The following MED13L variants were observed in gnomAD, a reference collection of about 807,000 sequenced individuals.
The protein encoded by MED13L is mediator of RNA polymerase II transcription subunit 13-like.
Under a neutral mutation model 220.9 loss-of-function variants are expected in MED13L, and 7 were observed. That is an observed-to-expected ratio of 0.03 (90% confidence interval 0.02 to 0.06). The LOEUF (loss-of-function observed/expected upper bound fraction) is 0.06. MED13L is among the 10% of genes least tolerant of loss of function. The probability of loss-of-function intolerance (pLI) is 1.00; values close to 1 mark genes in which losing one functional copy is unlikely to be tolerated. For synonymous variants in MED13L, 1,011 were observed against 1,015.2 expected, an observed-to-expected ratio of 1.00 and a Z score of 0.08; for missense variants, 1,965 against 2,760.5, an observed-to-expected ratio of 0.71 and a Z score of 6.46.
intron 4 of MED13L, among the ~76,000 whole-genome samples, chr12:116,039,127 T>C (rs1881374341): frequency 6.6e-6 from 1 of 152,214 alleles, no homozygotes; most frequent in Admixed American, 6.5e-5. Flanking sequence ...TTCACCGTAA[T>C]GATTCTAGTT....
intron 2 of MED13L, among the ~76,000 whole-genome samples, chr12:116,131,129 G>C (rs1876031974): frequency 6.6e-6 from 1 of 152,118 alleles, no homozygotes; most frequent in Non-Finnish European, 1.5e-5. Flanking sequence ...ATGTCCTCTG[G>C]GGGGTAAAAA....
At chr12:116,112,524 T>G (rs1012927539) in intron 2 of MED13L, among the ~76,000 whole-genome samples, 2 of 152,216 alleles carry the variant, frequency 1.3e-5, no homozygotes, top group Non-Finnish European at 2.9e-5. Flanking sequence ...TATCTTCTAT[T>G]AGACTTTCTG....
Position 116,007,427 on chromosome 12 carries a change from G to C in MED13L, c.2222C>G (p.Ser741Cys), listed in dbSNP as rs750559410. ...AAATGGTACCTTATTCTTTTTCAGG[G>C]AATCTTTCTCCGTCCCTTGTTTGCA... Reference protein sequence around the residue: ...KKCKQGTEKDSLKKNKSEDGF... With the variant: ...KKCKQGTEKDCLKKNKSEDGF... The change falls in exon 11 of 31, where the codon TCC becomes TGC. Residue 741 changes from serine to cysteine, a missense_variant. Ser to Cys is a moderately radical substitution (Grantham distance 112, BLOSUM62 -1). Around this residue, in one of 10 missense-constraint regions of MED13L, gnomAD observed 818 missense variants for 1,041.2 expected, o/e 0.79. Coordinates refer to ENST00000281928, the MANE Select transcript of MED13L (RefSeq NM_015335.5). The C allele has an allele frequency of 1.4e-5, 22 of 1,612,666 alleles. No individual in the cohort carries two copies. The Admixed American group carries it at 3.2e-4, about 23-fold the overall frequency.
chr12:115,980,457 A>G (rs1014771700), intron 23 of MED13L: 2 of 390,178 alleles, frequency 5.1e-6, no homozygotes, highest in African/African-American at 4.1e-5. Context: ...CCAAACAGCC[A>G]GGACTACCGG....
At chr12:116,145,376 G>A (rs925308873) in intron 2 of MED13L, among the ~76,000 whole-genome samples, 8 of 152,156 alleles carry the variant, frequency 5.3e-5, no homozygotes, top group Admixed American at 2.0e-4. Context: ...CAGGGGAGGC[G>A]GATGCTTGGC....
At chr12:116,064,996 C>A (rs1869810287) in intron 4 of MED13L, among the ~76,000 whole-genome samples, 6 of 152,176 alleles carry the variant, frequency 3.9e-5, no homozygotes, top group Admixed American at 3.3e-4. Context: ...AGAAAAGCAT[C>A]ACTAAGTGAT....
chr12:116,273,504 AT>A (rs1356807392), intron 1 of MED13L, among the ~76,000 whole-genome samples: 1 of 151,972 alleles, frequency 6.6e-6, no homozygotes, highest in Non-Finnish European at 1.5e-5. Context: ...AAAAAAAAAA[AT>A]TCAGACTTTC....
chr12:116,205,156 A>G (rs1221527366), intron 2 of MED13L, among the ~76,000 whole-genome samples: 1 of 152,202 alleles, frequency 6.6e-6, no homozygotes, highest in Non-Finnish European at 1.5e-5. Context: ...AACGGTGCCT[A>G]TTAAAGAGAA....
chr12:115,998,810 GC>G (rs1878567409), intron 14 of MED13L, among the ~76,000 whole-genome samples: 1 of 152,040 alleles, frequency 6.6e-6, no homozygotes, highest in African/African-American at 2.4e-5. Context: ...ATTTCCATTA[GC>G]GATGCTCCAC....
At chr12:116,061,497 T>C (rs181927767) in intron 4 of MED13L, among the ~76,000 whole-genome samples, 1 of 152,242 alleles carries the variant, frequency 6.6e-6, no homozygotes, top group East Asian at 1.9e-4. Context: ...CAAAGTAAGA[T>C]AATAATGCCT....
At position 116,008,673 on chromosome 12, in the gene MED13L, T is replaced by C; in HGVS notation, c.1740A>G (p.Pro580=). The C allele has an allele frequency of 6.2e-7, 1 of 1,614,074 alleles. No individual in the cohort carries two copies. Among genetic ancestry groups the C allele is most frequent in the Non-Finnish European group, 8.5e-7 (1 of 1,180,000 alleles). Residue 580 remains proline, a synonymous_variant, in exon 10 of 31, where the codon CCA becomes CCG. Coordinates refer to ENST00000281928, the MANE Select transcript of MED13L (RefSeq NM_015335.5). ...GTTCTAGTCCATTTCCATAAAGGGCTGGATTCACAGGGACCGATGGTGGGT... is the reference window on the plus strand; with the variant it reads ...GTTCTAGTCCATTTCCATAAAGGGCCGGATTCACAGGGACCGATGGTGGGT... ...SLDPPSVPVN[P]ALYGNGLELQ... is the part of the protein sequence containing the mutation.
At chr12:116,234,838 T>A (rs1349540737) in intron 2 of MED13L, among the ~76,000 whole-genome samples, 1 of 151,882 alleles carries the variant, frequency 6.6e-6, no homozygotes, top group South Asian at 2.1e-4. Flanking sequence ...TTTTTTTTTA[T>A]TTTTTGTAAA....
intron 2 of MED13L, among the ~76,000 whole-genome samples, chr12:116,201,552 T>G (rs1024874520): frequency 3.3e-5 from 5 of 152,198 alleles, no homozygotes; most frequent in African/African-American, 1.2e-4. Context: ...AGGTAACTTA[T>G]GTGCACAGTC....
intron 2 of MED13L, among the ~76,000 whole-genome samples, chr12:116,160,585 TA>T (rs113005311): frequency 0.015 from 2,149 of 139,466 alleles, 21 homozygotes; most frequent in African/African-American, 0.025. Context: ...AACTTTAATT[TA>T]AAAAAAAAAA....
At chr12:116,006,049 G>T in intron 12 of MED13L, 56 bp from the exon 13 acceptor site, 2 of 1,605,850 alleles carry the variant, frequency 1.2e-6, no homozygotes, top group South Asian at 2.2e-5. Context: ...GCGCAAAGGA[G>T]TAGGGAGAGG....
chr12:115,994,027 C>A (rs1299103190), intron 16 of MED13L, among the ~76,000 whole-genome samples: 1 of 152,166 alleles, frequency 6.6e-6, no homozygotes, highest in East Asian at 1.9e-4. Context: ...AGCCACCAGT[C>A]CCCATGTCCT....
At chr12:115,968,574 G>A (rs1161113975) in intron 28 of MED13L, among the ~76,000 whole-genome samples, 2 of 152,088 alleles carry the variant, frequency 1.3e-5, no homozygotes, top group Non-Finnish European at 2.9e-5. Flanking sequence ...GAGTAAGTAC[G>A]GTTGTTGTAC....
At chr12:116,059,335 C>T (rs1349537748) in intron 4 of MED13L, among the ~76,000 whole-genome samples, 1 of 152,094 alleles carries the variant, frequency 6.6e-6, no homozygotes, top group East Asian at 1.9e-4. Flanking sequence ...TTTGAGATTA[C>T]AGGCATGAGC....
chr12:115,976,376 C>T (rs1876939530), intron 23 of MED13L, among the ~76,000 whole-genome samples: 1 of 151,988 alleles, frequency 6.6e-6, no homozygotes, highest in African/African-American at 2.4e-5. Context: ...TGAATCTCAA[C>T]AATGAATAAA....
Sources: gnomAD v4.1 joint callset for allele counts (sites outside exome capture counted in the v4.1 genomes callset) on GRCh38, gnomAD v4.1.1 for gene constraint, gnomAD v4.1.1 regional missense constraint, MANE v1.5 for transcripts, NCBI Gene and HGNC (gene_info 2026-07-23, HGNC 2026-07-21) for gene names.